Variants in KIAA1549 observed in about 807,000 individuals in gnomAD.
KIAA1549 encodes UPF0606 protein KIAA1549.
KIAA1549 carries 70 observed loss-of-function variants against 156.4 expected under a neutral mutation model. That is an observed-to-expected ratio of 0.45 (90% CI 0.37 to 0.55). The LOEUF is 0.55. Ranked by LOEUF, KIAA1549 falls within the 20% of genes least tolerant of loss-of-function variation. The pLI is 0.00. For synonymous variants in KIAA1549, 1,103 were observed against 1,066.4 expected (o/e 1.03, Z -0.67); for missense variants, 2,428 against 2,540.9 (o/e 0.96, Z 0.96).
chr7:138,942,117 T>C (rs1216343738), intron 1 of KIAA1549, among the ~76,000 whole-genome samples: 1 of 152,076 alleles, frequency 6.6e-6, no homozygotes, highest in Non-Finnish European at 1.5e-5. Flanking sequence ...CTTGTTCAAG[T>C]CCCACAACTA....
chr7:138,952,752 A>AT (rs1305810299), intron 1 of KIAA1549, among the ~76,000 whole-genome samples: 1 of 152,192 alleles, frequency 6.6e-6, no homozygotes, highest in Non-Finnish European at 1.5e-5. Flanking sequence ...ATATCTTGAG[A>AT]TTTTCAGATC....
intron 12 of KIAA1549, among the ~76,000 whole-genome samples, chr7:138,877,093 A>G (rs1178216773): frequency 1.3e-5 from 2 of 152,184 alleles, no homozygotes; most frequent in East Asian, 3.8e-4. Context: ...CCATGGCAAC[A>G]TGGAAGAGGG....
intron 1 of KIAA1549, among the ~76,000 whole-genome samples, chr7:138,924,473 C>T (rs760621324): frequency 1.3e-5 from 2 of 152,028 alleles, no homozygotes; most frequent in Non-Finnish European, 2.9e-5. Flanking sequence ...AGAAGAGCAA[C>T]GTTTAGTGGC....
chr7:138,900,675 G>T lies in KIAA1549; in HGVS notation c.3670-1543C>A, dbSNP rs1276110484. ...GGAGCAGATCCCTCATGAATGGTTT[G>T]GTGCTGTCCTCGAGGTAATGAGTTC... On this transcript the variant is annotated intron_variant, in intron 8 of 19. Coordinates refer to ENST00000422774, the MANE Select transcript of KIAA1549 (RefSeq NM_001164665.2). Among the ~76,000 whole-genome samples, 5 of 152,248 alleles carry T rather than the reference G, an allele frequency of 3.3e-5. No individual in the cohort carries two copies. The East Asian group carries it at 5.8e-4, about 18-fold the overall frequency.
chr7:138,863,152 C>T (rs1810637840), intron 15 of KIAA1549, among the ~76,000 whole-genome samples: 1 of 151,832 alleles, frequency 6.6e-6, no homozygotes, highest in African/African-American at 2.4e-5. Context: ...TCCATGAGCC[C>T]AAACAGCATG....
intron 15 of KIAA1549, among the ~76,000 whole-genome samples, chr7:138,865,466 CA>C (rs2130374020): frequency 6.6e-6 from 1 of 151,370 alleles, no homozygotes; most frequent in South Asian, 2.1e-4. Context: ...GTACATGTAC[CA>C]CTGATTCTAA....
chr7:138,894,614 C>T (rs867125297), intron 9 of KIAA1549, 88 bp from the exon 10 acceptor site: 52 of 1,265,108 alleles, frequency 4.1e-5, no homozygotes, highest in Middle Eastern at 3.8e-4. Context: ...ACTCAGAAGT[C>T]CCTGACATTC....
chr7:138,921,881 A>C (rs1342807049), intron 1 of KIAA1549, among the ~76,000 whole-genome samples: 1 of 152,172 alleles, frequency 6.6e-6, no homozygotes, highest in Non-Finnish European at 1.5e-5. Flanking sequence ...AAATAAAAAT[A>C]AAAAAAGGCA....
chr7:138,839,776 G>GTTTTTT (rs1563043849), intron 19 of KIAA1549, among the ~76,000 whole-genome samples: 1 of 90,094 alleles, frequency 1.1e-5, no homozygotes, highest in African/African-American at 3.8e-5. Context: ...GAGGGATTAT[G>GTTTTTT]TCTTTTTTTT....
At chr7:138,969,684 C>A (rs560239142) in intron 1 of KIAA1549, among the ~76,000 whole-genome samples, 1 of 152,096 alleles carries the variant, frequency 6.6e-6, no homozygotes, top group Non-Finnish European at 1.5e-5. Context: ...CCTCTGCTTC[C>A]CGGGATCAAG....
At chr7:138,960,732 C>G (rs1251022411) in intron 1 of KIAA1549, among the ~76,000 whole-genome samples, 1 of 104,884 alleles carries the variant, frequency 9.5e-6, no homozygotes, top group Non-Finnish European at 1.7e-5. Flanking sequence ...AGAAGCGTAT[C>G]TGCGGCCAGA....
At chr7:138,975,806 T>C (rs1194499052) in intron 1 of KIAA1549, among the ~76,000 whole-genome samples, 1 of 152,240 alleles carries the variant, frequency 6.6e-6, no homozygotes, top group African/African-American at 2.4e-5. Context: ...AGTGTAATTA[T>C]AATGACGGTA....
intron 15 of KIAA1549, among the ~76,000 whole-genome samples, chr7:138,861,748 G>A (rs1434380521): frequency 2.0e-5 from 3 of 151,322 alleles, no homozygotes; most frequent in African/African-American, 7.3e-5. Flanking sequence ...GTGTGCACCT[G>A]TAGTCCCAGT....
At chr7:138,851,880 A>G (rs1013659567) in intron 17 of KIAA1549, among the ~76,000 whole-genome samples, 3 of 152,174 alleles carry the variant, frequency 2.0e-5, no homozygotes, top group African/African-American at 7.2e-5. Context: ...GTCCCTGGGG[A>G]AAAAGTGGCC....
intron 6 of KIAA1549, among the ~76,000 whole-genome samples, chr7:138,906,176 A>G (rs1026974200): frequency 6.6e-6 from 1 of 152,338 alleles, no homozygotes; most frequent in Non-Finnish European, 1.5e-5. Flanking sequence ...CTCAAATCAG[A>G]TATTTCATTT....
Position 138,881,459 on chromosome 7 carries a change from C to T in KIAA1549, c.4158G>A (p.Thr1386=), listed in dbSNP as rs142709120. The T allele has an allele frequency of 6.3e-4, 1,018 of 1,614,018 alleles. 3 individuals are homozygous for T. In the African/African-American group the frequency reaches 0.012, roughly 20 times the overall value. The change falls in exon 11 of 20, where the codon ACG becomes ACA. Residue 1386 remains threonine (T), a synonymous_variant. Transcript: ENST00000422774. ...PLPGPLKDHT[T]PSENGDVPSP... is the part of the protein sequence containing the mutation. ...TTGGCACGTCTCCATTTTCCGAGGG[C>T]GTGGTGTGGTCCTTCAGAGGTCCTG...
chr7:138,874,825 G>A (rs768364730), intron 12 of KIAA1549, among the ~76,000 whole-genome samples: 15 of 151,680 alleles, frequency 9.9e-5, no homozygotes, highest in South Asian at 2.1e-4. Flanking sequence ...GCAACATGGC[G>A]TAACCCCATC....
chr7:138,969,908 C>G (rs1266255779), intron 1 of KIAA1549, among the ~76,000 whole-genome samples: 1 of 152,170 alleles, frequency 6.6e-6, no homozygotes, highest in East Asian at 1.9e-4. Flanking sequence ...GTACGTAATG[C>G]ATAATAATCA....
intron 7 of KIAA1549, 100 bp from the exon 8 acceptor site, chr7:138,903,836 TGTGTGTGTGTGTGTGTGCGCGCGC>T (rs1473112030): frequency 1.9e-5 from 10 of 515,168 alleles, no homozygotes; most frequent in East Asian, 5.1e-5. Context: ...TGTGTGTGTG[TGTGTGTGTGTGTGTGTGCGCGCGC>T]GCGCGCGCGC....
Sources: gnomAD v4.1 joint callset for allele counts (sites outside exome capture counted in the v4.1 genomes callset) on GRCh38, gnomAD v4.1.1 for gene constraint, MANE v1.5 for transcripts, NCBI Gene and HGNC (gene_info 2026-07-23, HGNC 2026-07-21) for gene names.